NEDD4: variants seen among roughly 807,000 people sequenced by gnomAD.
NEDD4 encodes the protein E3 ubiquitin-protein ligase NEDD4.
A neutral mutation model predicts 144.9 loss-of-function variants in NEDD4; 99 were observed. The observed-to-expected ratio is 0.68, with a 90% confidence interval of 0.58 to 0.81. The LOEUF (loss-of-function observed/expected upper bound fraction) is 0.81, where lower values mean the gene tolerates loss of function less well. NEDD4 is among the 30% of genes least tolerant of loss of function. NEDD4 has a pLI of 0.00. For synonymous variants in NEDD4, 318 were observed against 350.6 expected (o/e 0.91, Z 1.04); for missense variants, 985 against 1,065.9 (o/e 0.92, Z 1.06).
intron 1 of NEDD4, among the ~76,000 whole-genome samples, chr15:55,969,145 T>C (rs62045219): frequency 0.083 from 12,553 of 152,120 alleles, 643 homozygotes; most frequent in Middle Eastern, 0.16. Context: ...GGCAAAGTGA[T>C]TGTGGGACTT....
chr15:55,893,141 T>C (rs1398515861), intron 5 of NEDD4, among the ~76,000 whole-genome samples: 1 of 152,094 alleles, frequency 6.6e-6, no homozygotes, highest in Non-Finnish European at 1.5e-5. Context: ...ACAGATAAGT[T>C]TAAATACCTT....
chr15:55,916,130 A>G (rs777028762), intron 5 of NEDD4: 1 of 1,613,928 alleles, frequency 6.2e-7, no homozygotes, highest in South Asian at 1.1e-5. Context: ...GGACAAAAGG[A>G]TCTGTACTTG....
chr15:55,911,516 A>G lies in NEDD4; in HGVS notation c.291+13130T>C, dbSNP rs569489947. On this transcript the variant is annotated intron_variant, in intron 5 of 28. Transcript: ENST00000435532. Reference sequence around the variant, plus strand: ...TACACACCTCTATTTAGCACATCACATATTAGACTGAAAAAAAATTTTTTT... The same window carrying G: ...TACACACCTCTATTTAGCACATCACGTATTAGACTGAAAAAAAATTTTTTT... Among the ~76,000 whole-genome samples the G allele has an allele frequency of 5.3e-5, 8 of 151,968 alleles. No homozygotes were observed. The East Asian group carries it at 1.4e-3, about 26-fold the overall frequency.
Position 55,826,921 on chromosome 15 carries a change from GTT to G in NEDD4, c.*2974_*2975del, listed in dbSNP as rs1323672377. ...CTATTTTATAATGAACCACAGTTTT[GTT>G]TTGTTTTTTAAAATCAGAATAGAAC... On this transcript the variant is annotated 3_prime_UTR_variant, in exon 29 of 29. Coordinates refer to ENST00000435532, the MANE Select transcript of NEDD4 (RefSeq NM_006154.4). 1 of 152,052 alleles carries G rather than the reference GTT, an allele frequency of 6.6e-6. No homozygotes were observed. The highest frequency in any genetic ancestry group is 1.5e-5 in the Non-Finnish European group (1 of 67,996). 9.4% of individuals were successfully genotyped at this position (152,052 alleles called of 1,614,324 possible).
At position 55,834,272 on chromosome 15, in the gene NEDD4, T is replaced by G; in HGVS notation, c.2277A>C (p.Leu759=). 6.2e-7 allele frequency: 1 copy of G among 1,605,506 alleles called. No individual in the cohort carries two copies. The highest frequency in any genetic ancestry group is 8.5e-7 in the Non-Finnish European group (1 of 1,172,554). ...AAATTTTGATGAGATCCTGTGGTAT[T>G]AGTTCAAAGAATCCCTAGAAAAAAG... is the stretch of plus-strand genomic sequence containing the variant. The part of the protein sequence containing the change: ...MAAFKEGFFE[L]IPQDLIKIFD... The change falls in exon 25 of 29, where the codon CTA becomes CTC. Residue 759 remains leucine, a synonymous_variant. Transcript: ENST00000435532.
At chr15:55,976,317 A>G (rs1294706960) in intron 1 of NEDD4, among the ~76,000 whole-genome samples, 2 of 152,212 alleles carry the variant, frequency 1.3e-5, no homozygotes, top group African/African-American at 4.8e-5. Context: ...AAATATTTGC[A>G]AACTATCCAA....
chr15:55,989,128 C>G (rs1453417504), intron 1 of NEDD4, among the ~76,000 whole-genome samples: 1 of 152,056 alleles, frequency 6.6e-6, no homozygotes, highest in Non-Finnish European at 1.5e-5. Flanking sequence ...CCCAGCTACC[C>G]TGGAGGGTGA....
chr15:55,916,290 TA>T, intron 5 of NEDD4: 1 of 1,614,042 alleles, frequency 6.2e-7, no homozygotes. Context: ...ACTGTTAGTA[TA>T]TGAACCTCCA....
intron 4 of NEDD4, among the ~76,000 whole-genome samples, chr15:55,926,720 C>T (rs1054262932): frequency 1.3e-5 from 2 of 152,054 alleles, no homozygotes; most frequent in African/African-American, 2.4e-5. Flanking sequence ...GAGCCGAGAT[C>T]GTGCCACTGC....
intron 13 of NEDD4, among the ~76,000 whole-genome samples, chr15:55,851,929 T>G (rs76867626): frequency 6.6e-6 from 1 of 152,204 alleles, no homozygotes; most frequent in African/African-American, 2.4e-5. Context: ...TAATAACAAG[T>G]GGTAATTCGT....
intron 5 of NEDD4, chr15:55,916,991 T>C: frequency 7.4e-7 from 1 of 1,350,914 alleles, no homozygotes; most frequent in South Asian, 2.3e-5. Context: ...AAACATTAGA[T>C]ACCAGATATC....
chr15:55,916,401 G>A (rs2036446647), intron 5 of NEDD4: 3 of 1,613,946 alleles, frequency 1.9e-6, no homozygotes, highest in Non-Finnish European at 2.5e-6. Context: ...ACAAATGGCT[G>A]GACTGCTTAC....
chr15:55,866,505 A>G (rs2034593637), intron 8 of NEDD4, among the ~76,000 whole-genome samples: 1 of 152,180 alleles, frequency 6.6e-6, no homozygotes, highest in Non-Finnish European at 1.5e-5. Context: ...GAAAATATAA[A>G]TTTAACATTT....
chr15:55,943,524 C>T (rs2037047035), intron 4 of NEDD4, among the ~76,000 whole-genome samples: 1 of 152,192 alleles, frequency 6.6e-6, no homozygotes, highest in Admixed American at 6.5e-5. Context: ...CTAGAAGGTT[C>T]AAACCGTAAG....
Position 55,828,632 on chromosome 15 carries a change from C to T in NEDD4, c.*1265G>A, listed in dbSNP as rs2032799607. The T allele has an allele frequency of 6.6e-6, 1 of 152,562 alleles. No homozygotes were observed. The highest frequency in any genetic ancestry group is 1.5e-5 in the Non-Finnish European group (1 of 68,026). 9.5% of individuals were successfully genotyped at this position (152,562 alleles called of 1,614,324 possible). ...ACTCTTACCCCAGAGCATAGCACAGCGCTAGGCACGCAGCATTCAATAAAC... is the reference window on the plus strand; with the variant it reads ...ACTCTTACCCCAGAGCATAGCACAGTGCTAGGCACGCAGCATTCAATAAAC... On this transcript the variant is annotated 3_prime_UTR_variant, in exon 29 of 29. Coordinates refer to ENST00000435532, the MANE Select transcript of NEDD4 (RefSeq NM_006154.4).
intron 1 of NEDD4, among the ~76,000 whole-genome samples, chr15:55,986,499 G>A (rs779889900): frequency 3.3e-5 from 5 of 149,586 alleles, no homozygotes; most frequent in Non-Finnish European, 4.4e-5. Flanking sequence ...AGCGTGACCT[G>A]AACATGGTCA....
intron 5 of NEDD4, among the ~76,000 whole-genome samples, chr15:55,887,528 AT>A (rs2035433660): frequency 6.6e-6 from 1 of 152,224 alleles, no homozygotes; most frequent in African/African-American, 2.4e-5. Flanking sequence ...CCAGCATCCA[AT>A]GGCTTCACTG....
chr15:55,868,362 G>C (rs2034656968), intron 8 of NEDD4, among the ~76,000 whole-genome samples: 1 of 152,174 alleles, frequency 6.6e-6, no homozygotes, highest in Admixed American at 6.5e-5. Context: ...TTTGCTTTCA[G>C]TAACTGCTGT....
rs1408627049 is a variant in NEDD4 at position 55,827,374 on chromosome 15, G to A, written c.*2523C>T. 6.6e-6 allele frequency: 1 copy of A among 152,222 alleles called. No individual in the cohort carries two copies. Among genetic ancestry groups the A allele is most frequent in the East Asian group, 1.9e-4 (1 of 5,172 alleles). 9.4% of individuals were successfully genotyped at this position (152,222 alleles called of 1,614,324 possible). On this transcript the variant is annotated 3_prime_UTR_variant, in exon 29 of 29. Transcript: ENST00000435532. ...TGTTGCTTGATAGATGTTTCTTCCA[G>A]ACCACGAGCCCCTAGTGGGAGATGA... is the stretch of plus-strand genomic sequence containing the variant.
Sources: gnomAD v4.1 joint callset for allele counts (sites outside exome capture counted in the v4.1 genomes callset) on GRCh38, gnomAD v4.1.1 for gene constraint, MANE v1.5 for transcripts, NCBI Gene and HGNC (gene_info 2026-07-23, HGNC 2026-07-21) for gene names.